The following IL21 variants were observed in gnomAD, a reference collection of about 807,000 sequenced individuals.
IL21 encodes the protein interleukin 21, also known as interleukin-21.
In IL21, 3 loss-of-function variants were observed where a neutral mutation model predicts 18.4. The ratio of observed to expected loss-of-function variants is 0.16; its 90% confidence interval spans 0.07 to 0.42. IL21 has a LOEUF of 0.42. Among genes scored for constraint, IL21 ranks in the 10% least tolerant of loss-of-function variants. The pLI, the probability that IL21 is intolerant of heterozygous loss-of-function variation, is 0.99. For missense variants in IL21, 130 were observed against 188.4 expected, an observed-to-expected ratio of 0.69 and a Z score of 1.81; for synonymous variants, 37 against 62.0, an observed-to-expected ratio of 0.60 and a Z score of 1.90.
chr4:122,613,448 T>C (rs1019160799), intron 3 of IL21, among the ~76,000 whole-genome samples: 2 of 150,788 alleles, frequency 1.3e-5, no homozygotes, highest in Non-Finnish European at 2.9e-5. Flanking sequence ...ACCTCCTGGA[T>C]TCAAGCAATT....
intron 3 of IL21, 91 bp downstream of exon 3, chr4:122,615,591 G>T (rs970042587): frequency 6.0e-6 from 7 of 1,170,278 alleles, no homozygotes; most frequent in Non-Finnish European, 8.5e-6. Flanking sequence ...GACACCAGCA[G>T]CCCTGGCTAC....
intron 2 of IL21, chr4:122,619,241 G>A (rs538834158): frequency 6.6e-6 from 1 of 152,134 alleles, no homozygotes; most frequent in Admixed American, 6.5e-5. Flanking sequence ...ACCCTACTTT[G>A]AAGCTAGCTT....
chr4:122,613,702 A>G (rs1460763717), intron 3 of IL21, among the ~76,000 whole-genome samples: 1 of 152,100 alleles, frequency 6.6e-6, no homozygotes, highest in Non-Finnish European at 1.5e-5. Context: ...CATCTCTGTA[A>G]ATAATTTTTC....
chr4:122,619,417 T>C (rs757994289), intron 2 of IL21: 5 of 152,212 alleles, frequency 3.3e-5, no homozygotes, highest in Non-Finnish European at 5.9e-5. Context: ...CCTTTCATTA[T>C]GATGTAAGAT....
chr4:122,614,774 A>G (rs1016432272), intron 3 of IL21, among the ~76,000 whole-genome samples: 1 of 152,074 alleles, frequency 6.6e-6, no homozygotes, highest in African/African-American at 2.4e-5. Context: ...TCTTTGAATT[A>G]CTCATGTTCT....
Position 122,611,880 on chromosome 4 carries a change from T to C in IL21, c.*830A>G, listed in dbSNP as rs1799266975. 2.0e-5 allele frequency among the ~76,000 whole-genome samples: 3 copies of C among 152,170 alleles called. No individual in the cohort carries two copies. Among genetic ancestry groups the C allele is most frequent in the Non-Finnish European group, 4.4e-5 (3 of 68,012 alleles). On this transcript the variant is annotated 3_prime_UTR_variant, in exon 5 of 5. Transcript: ENST00000648588. ...TAGCTTGCTCATAATATGATCATTATAACAGTTTGAGAAGAGAGCTACAAT... is the reference window on the plus strand; with the variant it reads ...TAGCTTGCTCATAATATGATCATTACAACAGTTTGAGAAGAGAGCTACAAT...
chr4:122,612,954 T>G (rs1799280888), intron 3 of IL21, 26 bp from the exon 4 acceptor site: 2 of 1,424,438 alleles, frequency 1.4e-6, no homozygotes, highest in Non-Finnish European at 1.9e-6. Context: ...AAAGTAACAG[T>G]CTTCTTTAAA....
At chr4:122,619,183 A>T (rs895663193) in intron 2 of IL21, 1 of 152,206 alleles carries the variant, frequency 6.6e-6, no homozygotes, top group African/African-American at 2.4e-5. Context: ...GCAACATTAG[A>T]TAGTTTTATT....
rs368613809 is a variant in IL21 at position 122,613,192 on chromosome 4, C to T, written c.361-264G>A. Among the ~76,000 whole-genome samples the T allele has an allele frequency of 1.5e-3, 229 of 151,188 alleles. 7 individuals carry two copies. In the South Asian group the frequency reaches 0.047, roughly 31 times the overall value. On this transcript the variant is annotated intron_variant, in intron 3 of 4. Transcript: ENST00000648588. ...TTATTGTGCATTTACATTATTTATACCAGTTGGTGATTTGCTTTTTTTTTT... is the reference window on the plus strand; with the variant it reads ...TTATTGTGCATTTACATTATTTATATCAGTTGGTGATTTGCTTTTTTTTTT...
At chr4:122,615,983 A>C (rs763137762) in intron 2 of IL21, 146 bp from the exon 3 acceptor site, 1 of 674,810 alleles carries the variant, frequency 1.5e-6, no homozygotes, top group African/African-American at 1.8e-5. Flanking sequence ...TTCACCTCCT[A>C]CTTAATCTTT....
intron 3 of IL21, 56 bp downstream of exon 3, chr4:122,615,626 T>A (rs1395573051): frequency 3.3e-6 from 5 of 1,508,174 alleles, no homozygotes; most frequent in Non-Finnish European, 3.6e-6. Context: ...GTTTATGTAA[T>A]GCAAGATATA....
intron 4 of IL21, 28 bp from the exon 5 acceptor site, chr4:122,612,788 T>C: frequency 6.2e-7 from 1 of 1,613,480 alleles, no homozygotes; most frequent in Non-Finnish European, 8.5e-7. Flanking sequence ...CGTGAGTAAC[T>C]AAGAAGCAAA....
chr4:122,612,835 A>T lies in IL21; in HGVS notation c.438+16T>A, dbSNP rs1799279405. ...AAAGATAAAGCAGAAAATCAAATGA[A>T]ACTTAAGGTAGATACCTTTTGGAGA... is the stretch of plus-strand genomic sequence containing the variant. On this transcript the variant is annotated intron_variant, in intron 4 of 4. Transcript: ENST00000648588. 1.9e-6 allele frequency: 3 copies of T among 1,612,552 alleles called. No homozygotes were observed. The highest frequency in any genetic ancestry group is 2.5e-6 in the Non-Finnish European group (3 of 1,179,174).
chr4:122,620,955 G>A lies in IL21; in HGVS notation c.57C>T (p.Phe19=). ...TTGATTTGTGGACCAGTGTCCCCAAGAAGATGACCATCAGACAGATGACAA... is the reference window on the plus strand; with the variant it reads ...TTGATTTGTGGACCAGTGTCCCCAAAAAGATGACCATCAGACAGATGACAA... The part of the protein sequence containing the change: ...ERIVICLMVI[F]LGTLVHKSSS... Residue 19 remains phenylalanine (F), a synonymous_variant, in exon 1 of 5, where the codon TTC becomes TTT. Transcript: ENST00000648588. 1 of 1,613,986 alleles carries A rather than the reference G, an allele frequency of 6.2e-7. No homozygotes were observed. Among genetic ancestry groups the A allele is most frequent in the Non-Finnish European group, 8.5e-7 (1 of 1,179,870 alleles).
intron 2 of IL21, 109 bp from the exon 3 acceptor site, chr4:122,615,946 C>T (rs1431867298): frequency 3.4e-6 from 3 of 893,480 alleles, no homozygotes; most frequent in Non-Finnish European, 5.0e-6. Context: ...TGCATTACAT[C>T]GTTTCAACAG....
In IL21 at chr4:122,610,835, T is replaced by C. The variant is rs191640862; in HGVS notation, c.*1875A>G. 6.6e-6 allele frequency among the ~76,000 whole-genome samples: 1 copy of C among 152,322 alleles called. No homozygotes were observed. The highest frequency in any genetic ancestry group is 6.5e-5 in the Admixed American group (1 of 15,294). ...AAGTCTCACTGCTTCATCTTGTTTATTCCAATGCATTGCCTTTCCTGGAGT... is the reference window on the plus strand; with the variant it reads ...AAGTCTCACTGCTTCATCTTGTTTACTCCAATGCATTGCCTTTCCTGGAGT... On this transcript the variant is annotated 3_prime_UTR_variant, in exon 5 of 5. Transcript: ENST00000648588.
chr4:122,615,926 T>C, intron 2 of IL21, 89 bp from the exon 3 acceptor site: 1 of 1,056,622 alleles, frequency 9.5e-7, no homozygotes, highest in South Asian at 1.6e-5. Context: ...CTATCTCTTC[T>C]GCAATGTCGT....
rs897817620 is a variant in IL21 at position 122,611,395 on chromosome 4, A to C, written c.*1315T>G. Among the ~76,000 whole-genome samples the C allele has an allele frequency of 6.6e-6, 1 of 152,204 alleles. No homozygotes were observed. The highest frequency in any genetic ancestry group is 1.5e-5 in the Non-Finnish European group (1 of 68,018). On this transcript the variant is annotated 3_prime_UTR_variant, in exon 5 of 5. Transcript: ENST00000648588. The stretch of plus-strand genomic sequence containing the variant: ...GGTTAAGTCTGTATTTGTTTTAAGC[A>C]CATAATTTTTCTTCTCAGAGCATAA...
intron 3 of IL21, among the ~76,000 whole-genome samples, chr4:122,613,686 A>C (rs1324295555): frequency 6.6e-6 from 1 of 152,072 alleles, no homozygotes; most frequent in Non-Finnish European, 1.5e-5. Flanking sequence ...ACATTACTCC[A>C]AAGAACATCT....
Sources: gnomAD v4.1 joint callset for allele counts (sites outside exome capture counted in the v4.1 genomes callset) on GRCh38, gnomAD v4.1.1 for gene constraint, MANE v1.5 for transcripts, NCBI Gene and HGNC (gene_info 2026-07-23, HGNC 2026-07-21) for gene names.